SLC22A23: variants seen among roughly 807,000 people sequenced by gnomAD.
SLC22A23 encodes ion transporter protein.
SLC22A23 carries 26 observed loss-of-function variants against 61.0 expected under a neutral mutation model. The observed-to-expected ratio is 0.43, with a 90% CI of 0.31 to 0.59. The LOEUF (loss-of-function observed/expected upper bound fraction) is 0.59, where lower values mean the gene tolerates loss of function less well. Among genes scored for constraint, SLC22A23 ranks in the 20% least tolerant of loss-of-function variants. SLC22A23 has a pLI of 0.11. For missense variants in SLC22A23, 796 were observed against 934.7 expected, an observed-to-expected ratio of 0.85 and a Z score of 1.94; for synonymous variants, 430 against 413.9, an observed-to-expected ratio of 1.04 and a Z score of -0.47.
At chr6:3,421,577 A>G (rs1770137437) in intron 1 of SLC22A23, among the ~76,000 whole-genome samples, 6 of 152,362 alleles carry the variant, frequency 3.9e-5, no homozygotes, top group Admixed American at 2.0e-4. Context: ...AAAATATTCC[A>G]AAATATTTTA....
intron 9 of SLC22A23, among the ~76,000 whole-genome samples, chr6:3,275,668 T>C (rs934727107): frequency 9.9e-5 from 15 of 152,216 alleles, no homozygotes; most frequent in Non-Finnish European, 1.3e-4. Context: ...CTGCAAGCTC[T>C]GCCTCCCAGG....
Position 3,304,749 on chromosome 6 carries a change from T to C in SLC22A23, c.1083-6531A>G, listed in dbSNP as rs4559125. Among the ~76,000 whole-genome samples the C allele has an allele frequency of 0.65, 98,382 of 151,846 alleles. 34,136 individuals carry two copies. Among genetic ancestry groups the C allele is most frequent in the East Asian group, 0.77 (3,908 of 5,106 alleles). Reference sequence around the variant, plus strand: ...ATGAGCAGCTGCAGGGCAGGCCCTGTATCCCCTCGTACTGCTGGAGGTGTG... The same window carrying C: ...ATGAGCAGCTGCAGGGCAGGCCCTGCATCCCCTCGTACTGCTGGAGGTGTG... On this transcript the variant is annotated intron_variant, in intron 4 of 9. Coordinates refer to ENST00000406686, the MANE Select transcript of SLC22A23 (RefSeq NM_015482.2). The surrounding 1 kb of genome is among the most constrained non-coding windows in gnomAD (Gnocchi z 4.3).
chr6:3,371,422 T>TA (rs1766209987), intron 3 of SLC22A23, among the ~76,000 whole-genome samples: 1 of 152,248 alleles, frequency 6.6e-6, no homozygotes, highest in African/African-American at 2.4e-5. Context: ...TCACAAAACA[T>TA]TGAGCTTTTG....
In SLC22A23 at chr6:3,427,590, T is replaced by C. The variant is rs556565003; in HGVS notation, c.655-11735A>G. The stretch of plus-strand genomic sequence containing the variant: ...TCCAGGTCTACCCGGGGCTCTACCG[T>C]GCTTTCAGGTCCTCCCACCACCTCT... On this transcript the variant is annotated intron_variant, in intron 1 of 9. Transcript: ENST00000406686. The surrounding 1 kb of genome is among the most constrained non-coding windows in gnomAD (Gnocchi z 4.3). Among the ~76,000 whole-genome samples, 216 of 152,212 alleles carry C rather than the reference T, an allele frequency of 1.4e-3. 1 individual carries two copies. Among genetic ancestry groups the C allele is most frequent in the South Asian group, 1.0e-2 (48 of 4,814 alleles).
At chr6:3,298,442 C>A (rs1306702264) in intron 4 of SLC22A23, among the ~76,000 whole-genome samples, 1 of 151,814 alleles carries the variant, frequency 6.6e-6, no homozygotes, top group African/African-American at 2.4e-5. Context: ...AAAAGTTAAC[C>A]ACATGTTCTC....
In SLC22A23 at chr6:3,272,987, G is replaced by C; in HGVS notation, c.*68C>G. On this transcript the variant is annotated 3_prime_UTR_variant, in exon 10 of 10. Coordinates refer to ENST00000406686, the MANE Select transcript of SLC22A23 (RefSeq NM_015482.2). The stretch of plus-strand genomic sequence containing the variant: ...CTTTCCCACCCCTGGCTGCGTGTTC[G>C]GTCCCTGGTCTGTAAACCTGTGCCC... The C allele has an allele frequency of 7.2e-7, 1 of 1,385,962 alleles. No homozygotes were observed. The highest frequency in any genetic ancestry group is 9.6e-7 in the Non-Finnish European group (1 of 1,037,444). 85.9% of individuals were successfully genotyped at this position (1,385,962 alleles called of 1,614,324 possible).
Position 3,456,736 on chromosome 6 carries a change from C to A in SLC22A23, c.-177G>T, listed in dbSNP as rs1258169280. On this transcript the variant is annotated 5_prime_UTR_variant, in exon 1 of 10. Coordinates refer to ENST00000406686, the MANE Select transcript of SLC22A23 (RefSeq NM_015482.2). This position sits in a 1 kb window ranked among gnomAD's most constrained non-coding sequence, Gnocchi z 7.1. ...GTCAGGCCGCCCCCATGTCACCCGC[C>A]GGACCCCGCGCCCCGGGCGCTGCGG... The A allele has an allele frequency of 7.3e-5, 18 of 246,216 alleles. No individual in the cohort carries two copies. Among genetic ancestry groups the A allele is most frequent in the Non-Finnish European group, 9.5e-5 (15 of 157,460 alleles). 15.3% of individuals were successfully genotyped at this position (246,216 alleles called of 1,614,324 possible).
In SLC22A23 at chr6:3,447,583, CTTTTTTTT is replaced by C. The variant is rs757788904; in HGVS notation, c.654+8315_654+8322del. 9.8e-4 allele frequency among the ~76,000 whole-genome samples: 111 copies of C among 113,370 alleles called. 1 individual carries two copies. The highest frequency in any genetic ancestry group is 5.8e-3 in the Middle Eastern group (1 of 172). 74.4% of individuals were successfully genotyped at this position (113,370 alleles called of 152,430 possible). On this transcript the variant is annotated intron_variant, in intron 1 of 9. Coordinates refer to ENST00000406686, the MANE Select transcript of SLC22A23 (RefSeq NM_015482.2). Reference sequence around the variant, plus strand: ...AAGGAGGAGAGAGGAAAGAAACTTTCTTTTTTTTTTTTTTTTTTTGTCTGAGACAGAGT... The same window carrying C: ...AAGGAGGAGAGAGGAAAGAAACTTTCTTTTTTTTTTTGTCTGAGACAGAGT...
chr6:3,289,426 T>C (rs1010176898), intron 6 of SLC22A23, among the ~76,000 whole-genome samples: 9 of 152,236 alleles, frequency 5.9e-5, no homozygotes, highest in Non-Finnish European at 1.0e-4. Flanking sequence ...TCAAATCCCC[T>C]GTCCTGAGAC....
chr6:3,409,010 G>C (rs1769022001), intron 3 of SLC22A23, among the ~76,000 whole-genome samples: 1 of 152,188 alleles, frequency 6.6e-6, no homozygotes. Context: ...CATAGACAAC[G>C]GCACAGGCAT....
intron 3 of SLC22A23, among the ~76,000 whole-genome samples, chr6:3,364,924 G>A (rs1029045473): frequency 5.3e-5 from 8 of 152,194 alleles, no homozygotes. Context: ...GCAAAAAAGT[G>A]CAGAGGTCCC....
chr6:3,429,670 T>A (rs1770732362), intron 1 of SLC22A23, among the ~76,000 whole-genome samples: 1 of 152,184 alleles, frequency 6.6e-6, no homozygotes, highest in Admixed American at 6.5e-5. Flanking sequence ...CACTGACGGA[T>A]GAACAAAGAA....
At chr6:3,307,172 A>G (rs1054368467) in intron 4 of SLC22A23, among the ~76,000 whole-genome samples, 2 of 152,186 alleles carry the variant, frequency 1.3e-5, no homozygotes, top group African/African-American at 4.8e-5. Flanking sequence ...AGCTGAGGGT[A>G]GGCACAAAAC....
At chr6:3,445,058 TG>T in intron 1 of SLC22A23, 3 of 833,490 alleles carry the variant, frequency 3.6e-6, no homozygotes, top group Non-Finnish European at 4.3e-6. Context: ...GTTCTGCGTC[TG>T]TCCTCACAAT....
chr6:3,417,255 C>T (rs1473973051), intron 1 of SLC22A23, among the ~76,000 whole-genome samples: 1 of 152,152 alleles, frequency 6.6e-6, no homozygotes, highest in Admixed American at 6.5e-5. Context: ...CTCGCCGATG[C>T]CCCCAACACA....
At chr6:3,287,135 C>T in intron 6 of SLC22A23, 44 bp from the exon 7 acceptor site, 1 of 1,575,022 alleles carries the variant, frequency 6.3e-7, no homozygotes, top group Non-Finnish European at 8.7e-7. Context: ...TGCCCCCATG[C>T]CAGGGGCTGC....
At chr6:3,376,040 C>T (rs1356221377) in intron 3 of SLC22A23, among the ~76,000 whole-genome samples, 2 of 152,152 alleles carry the variant, frequency 1.3e-5, no homozygotes, top group Non-Finnish European at 2.9e-5. Flanking sequence ...TATTTTATGG[C>T]CATATACATT....
rs908591579 is a variant in SLC22A23 at position 3,327,417 on chromosome 6, T to C, written c.914-3415A>G. Among the ~76,000 whole-genome samples the C allele has an allele frequency of 2.0e-5, 3 of 152,258 alleles. No individual in the cohort carries two copies. The highest frequency in any genetic ancestry group is 3.8e-4 in the East Asian group (2 of 5,202). On this transcript the variant is annotated intron_variant, in intron 3 of 9. Coordinates refer to ENST00000406686, the MANE Select transcript of SLC22A23 (RefSeq NM_015482.2). The surrounding 1 kb of genome is among the most constrained non-coding windows in gnomAD (Gnocchi z 4.1). ...CATTCATGGGCAGCCAGACTCTCCCTGATTATGTAAAACATTTAAGGGCCA... is the reference window on the plus strand; with the variant it reads ...CATTCATGGGCAGCCAGACTCTCCCCGATTATGTAAAACATTTAAGGGCCA...
Position 3,304,090 on chromosome 6 carries a change from C to T in SLC22A23, c.1083-5872G>A, listed in dbSNP as rs771969339. ...CCAGAGAGGATTCAATTCTGCTGTT[C>T]CCCTTTCTTATCTGGGCCCACGGAG... On this transcript the variant is annotated intron_variant, in intron 4 of 9. Transcript: ENST00000406686. This position sits in a 1 kb window ranked among gnomAD's most constrained non-coding sequence, Gnocchi z 4.3. Among the ~76,000 whole-genome samples, 3 of 152,220 alleles carry T rather than the reference C, an allele frequency of 2.0e-5. No individual in the cohort carries two copies. Among genetic ancestry groups the T allele is most frequent in the Non-Finnish European group, 4.4e-5 (3 of 68,044 alleles).
Sources: gnomAD v4.1 joint callset for allele counts (sites outside exome capture counted in the v4.1 genomes callset) on GRCh38, gnomAD v4.1.1 for gene constraint, Gnocchi (gnomAD v3.1) non-coding constraint, MANE v1.5 for transcripts, NCBI Gene and HGNC (gene_info 2026-07-23, HGNC 2026-07-21) for gene names.